Variants in NLRP4 observed in about 807,000 individuals in gnomAD.
NLRP4 encodes NACHT, LRR and PYD domains-containing protein 4.
NLRP4 carries 44 observed loss-of-function variants against 84.7 expected under a neutral mutation model. The ratio of observed to expected loss-of-function variants is 0.52; its 90% confidence interval spans 0.41 to 0.67. NLRP4 has a LOEUF of 0.67. Among genes scored for constraint, NLRP4 ranks in the 30% least tolerant of loss-of-function variants. The pLI, the probability that NLRP4 is intolerant of heterozygous loss-of-function variation, is 0.00. For synonymous variants in NLRP4, 544 were observed against 476.4 expected (o/e 1.14, Z -1.85); for missense variants, 1,260 against 1,219.4 (o/e 1.03, Z -0.50).
At chr19:55,869,776 T>G (rs1259128834) in intron 6 of NLRP4, among the ~76,000 whole-genome samples, 2 of 105,610 alleles carry the variant, frequency 1.9e-5, no homozygotes, top group African/African-American at 7.2e-5. Flanking sequence ...AAAGTCAACA[T>G]GGATCCTTAA....
chr19:55,878,893 C>G lies in NLRP4; in HGVS notation c.2796C>G (p.Thr932=), dbSNP rs779382536. 3 of 1,613,838 alleles carry G rather than the reference C, an allele frequency of 1.9e-6. No homozygotes were observed. The African/African-American group carries it at 4.0e-5, about 22-fold the overall frequency. Residue 932 remains threonine, a synonymous_variant, in exon 9 of 10, where the codon ACC becomes ACG. Coordinates refer to ENST00000301295, the MANE Select transcript of NLRP4 (RefSeq NM_134444.5). ...TLQQLNLTLN[T]LDHTGVVVLC... is the part of the protein sequence containing the mutation. ...AGCAGCTCAACCTGACCTTGAACAC[C>G]TTGGACCACACAGGGGTGGTTGTAC...
At chr19:55,876,104 A>T (rs1985358541) in intron 7 of NLRP4, among the ~76,000 whole-genome samples, 1 of 152,198 alleles carries the variant, frequency 6.6e-6, no homozygotes, top group South Asian at 2.1e-4. Context: ...TTAAAAAAGC[A>T]TGAGATTCAC....
Position 55,839,495 on chromosome 19 carries a change from AG to A in NLRP4, c.-66+2562del, listed in dbSNP as rs1366614561. On this transcript the variant is annotated intron_variant, in intron 1 of 9. Transcript: ENST00000301295. ...GGGAAGAGTTAAAAAAAAAAAAAAA[AG>A]CTTTCAAAACTTCACACACACAAAA... Among the ~76,000 whole-genome samples, 10 of 148,218 alleles carry A rather than the reference AG, an allele frequency of 6.7e-5. 1 individual carries two copies. Among genetic ancestry groups the A allele is most frequent in the Admixed American group, 4.7e-4 (7 of 14,886 alleles).
intron 1 of NLRP4, among the ~76,000 whole-genome samples, chr19:55,837,208 C>T (rs1444740288): frequency 6.6e-6 from 1 of 152,054 alleles, no homozygotes; most frequent in Non-Finnish European, 1.5e-5. Flanking sequence ...ATTCAGAATC[C>T]TCTCCTTAGG....
In NLRP4 at chr19:55,852,423, G is replaced by A. The variant is rs73622431; in HGVS notation, c.280+63G>A. ...GAGGACTATGTCCTAATTTTGGTGAGTGGTCTCTGCCTGTCTACAACAGGA... is the reference window on the plus strand; with the variant it reads ...GAGGACTATGTCCTAATTTTGGTGAATGGTCTCTGCCTGTCTACAACAGGA... On this transcript the variant is annotated intron_variant, in intron 2 of 9. Transcript: ENST00000301295. 5,340 of 1,083,268 alleles carry A rather than the reference G, an allele frequency of 4.9e-3. 192 individuals are homozygous for A. The African/African-American group carries it at 0.076, about 15-fold the overall frequency. The allele number at this position is 1,083,268 out of a possible 1,614,324, so 67.1% of individuals were successfully genotyped here. A position where few individuals can be genotyped will look rare whatever the true frequency, so the allele number is the denominator to read the frequency against.
At chr19:55,865,646 A>G (rs1317257952) in intron 5 of NLRP4, among the ~76,000 whole-genome samples, 2 of 152,226 alleles carry the variant, frequency 1.3e-5, no homozygotes, top group South Asian at 2.1e-4. Flanking sequence ...GACTTTTTTT[A>G]ATAATAGCCA....
In NLRP4 at chr19:55,852,159, A is replaced by G. The variant is rs1984189578; in HGVS notation, c.79A>G (p.Lys27Glu). 1 of 1,608,410 alleles carries G rather than the reference A, an allele frequency of 6.2e-7. No individual in the cohort carries two copies. The highest frequency in any genetic ancestry group is 1.7e-5 in the Admixed American group (1 of 58,600). ...ELKKEEFRKF[K>E]EHLKQMTLQL... is the part of the protein sequence containing the mutation. ...CAAAAAGGAGGAGTTCAGGAAATTT[A>G]AAGAACATCTCAAGCAAATGACTTT... Residue 27 changes from lysine to glutamate, a missense_variant, in exon 2 of 10, where the codon AAA becomes GAA. This residue lies in a region of NLRP4 where 712 missense variants were observed against 669.2 expected (regional missense o/e 1.06). Transcript: ENST00000301295.
At chr19:55,840,888 C>G (rs1983589414) in intron 1 of NLRP4, among the ~76,000 whole-genome samples, 1 of 152,190 alleles carries the variant, frequency 6.6e-6, no homozygotes. Flanking sequence ...AATTCAATAT[C>G]TTTTCCTTCT....
chr19:55,856,003 T>G (rs983273497), intron 2 of NLRP4, among the ~76,000 whole-genome samples: 2 of 152,074 alleles, frequency 1.3e-5, no homozygotes, highest in African/African-American at 4.8e-5. Flanking sequence ...CAGCAACTGG[T>G]TTTAGTTTTC....
chr19:55,857,257 T>C (rs997726484), intron 2 of NLRP4, among the ~76,000 whole-genome samples: 3 of 152,038 alleles, frequency 2.0e-5, no homozygotes, highest in African/African-American at 7.3e-5. Context: ...ATAGTAGCAA[T>C]GAATGTATAT....
chr19:55,841,517 G>T (rs1166404927), intron 1 of NLRP4, among the ~76,000 whole-genome samples: 2 of 152,008 alleles, frequency 1.3e-5, no homozygotes, highest in Non-Finnish European at 2.9e-5. Context: ...TTTTCTTTAT[G>T]CATTCATTTA....
At chr19:55,840,641 G>T (rs945715559) in intron 1 of NLRP4, among the ~76,000 whole-genome samples, 1 of 152,010 alleles carries the variant, frequency 6.6e-6, no homozygotes, top group Non-Finnish European at 1.5e-5. Context: ...CTCGTGATCC[G>T]CCCACCTCGG....
Position 55,858,025 on chromosome 19 carries a change from A to AC in NLRP4, c.636dup (p.Ala213ArgfsTer38). 1 of 1,614,074 alleles carries AC rather than the reference A, an allele frequency of 6.2e-7. No homozygotes were observed. Among genetic ancestry groups the AC allele is most frequent in the Non-Finnish European group, 8.5e-7 (1 of 1,180,018 alleles). ...GACTTGATTTCCAGAGAGTGGCCTG[A>AC]CCCCGCTGCTCCTATAACAGAGATC... On this transcript the variant is annotated frameshift_variant, in exon 3 of 10. Coordinates refer to ENST00000301295, the MANE Select transcript of NLRP4 (RefSeq NM_134444.5). LOFTEE classifies it high-confidence loss of function. The surrounding 1 kb of genome is among the most constrained non-coding windows in gnomAD (Gnocchi z 4.2).
At chr19:55,842,852 C>T (rs1014374978) in intron 1 of NLRP4, among the ~76,000 whole-genome samples, 9 of 151,946 alleles carry the variant, frequency 5.9e-5, no homozygotes, top group South Asian at 2.1e-4. Context: ...CTCTGCCTCC[C>T]GGGTTCACGC....
At position 55,866,505 on chromosome 19, in the gene NLRP4, T is replaced by C. The variant is rs148007510; in HGVS notation, c.2187-1204T>C. On this transcript the variant is annotated intron_variant, in intron 5 of 9. Coordinates refer to ENST00000301295, the MANE Select transcript of NLRP4 (RefSeq NM_134444.5). ...ATTCTGTTGTCTCTGAGCTTATTTT[T>C]TGTGGCAACCAGAGGTAAGGAGAGT... Among the ~76,000 whole-genome samples the C allele has an allele frequency of 1.7e-3, 266 of 152,298 alleles. 4 individuals carry two copies. The East Asian group carries it at 0.025, about 14-fold the overall frequency.
Position 55,858,865 on chromosome 19 carries a change from C to G in NLRP4, c.1472C>G (p.Ala491Gly), listed in dbSNP as rs1197663167. 8.2e-5 allele frequency: 132 copies of G among 1,614,032 alleles called. No homozygotes were observed. Among genetic ancestry groups the G allele is most frequent in the Non-Finnish European group, 1.1e-4 (124 of 1,180,014 alleles). ...QELLVANFEK[A>G]RRAHWIFLGC... ...TTGCTAGTTGCCAATTTTGAAAAAGCAAGGAGAGCACATTGGATTTTTTTG... is the reference window on the plus strand; with the variant it reads ...TTGCTAGTTGCCAATTTTGAAAAAGGAAGGAGAGCACATTGGATTTTTTTG... Residue 491 changes from alanine to glycine, a missense_variant, in exon 3 of 10, where the codon GCA becomes GGA. Physicochemically the swap from Ala to Gly is moderately conservative, Grantham distance 60. This residue lies in a region of NLRP4 where 712 missense variants were observed against 669.2 expected (regional missense o/e 1.06). Coordinates refer to ENST00000301295, the MANE Select transcript of NLRP4 (RefSeq NM_134444.5). This position sits in a 1 kb window ranked among gnomAD's most constrained non-coding sequence, Gnocchi z 4.2.
chr19:55,874,797 TATA>T (rs561692813), intron 7 of NLRP4, among the ~76,000 whole-genome samples: 335 of 152,250 alleles, frequency 2.2e-3, no homozygotes, highest in African/African-American at 7.8e-3. Context: ...TTGGTTGTAA[TATA>T]ATCCTTACAA....
At chr19:55,866,134 A>G (rs1214704011) in intron 5 of NLRP4, among the ~76,000 whole-genome samples, 1 of 152,072 alleles carries the variant, frequency 6.6e-6, no homozygotes, top group African/African-American at 2.4e-5. Flanking sequence ...CCTGGGTTCA[A>G]GTGATTCTTC....
rs796759587 is a variant in NLRP4 at position 55,849,964 on chromosome 19, A to G, written c.-65-2052A>G. Among the ~76,000 whole-genome samples, 169 of 113,528 alleles carry G rather than the reference A, an allele frequency of 1.5e-3. 18 individuals are homozygous for G. The highest frequency in any genetic ancestry group is 5.4e-3 in the African/African-American group (88 of 16,246). 74.5% of individuals were successfully genotyped at this position (113,528 alleles called of 152,430 possible). On this transcript the variant is annotated intron_variant, in intron 1 of 9. Coordinates refer to ENST00000301295, the MANE Select transcript of NLRP4 (RefSeq NM_134444.5). ...GGTGTAATTTCCGAGACTGCGGTGT[A>G]ATTTCCGTAGCTGCGGTGTAATTTC...
Sources: gnomAD v4.1 joint callset for allele counts (sites outside exome capture counted in the v4.1 genomes callset) on GRCh38, gnomAD v4.1.1 for gene constraint, gnomAD v4.1.1 regional missense constraint, Gnocchi (gnomAD v3.1) non-coding constraint, MANE v1.5 for transcripts, NCBI Gene and HGNC (gene_info 2026-07-23, HGNC 2026-07-21) for gene names.